The following ZNF177 variants were observed in gnomAD, a reference collection of about 807,000 sequenced individuals.
ZNF177 encodes zinc finger protein 177.
A neutral mutation model predicts 19.4 loss-of-function variants in ZNF177; 17 were observed. The observed-to-expected ratio is 0.87, with a 90% CI of 0.60 to 1.31. ZNF177 has a LOEUF of 1.31. Among genes scored for constraint, ZNF177 ranks in the 40% most tolerant of loss-of-function variants. The pLI, the probability that ZNF177 is intolerant of heterozygous loss-of-function variation, is 0.00. For missense variants in ZNF177, 633 were observed against 561.8 expected, an observed-to-expected ratio of 1.13 and a Z score of -1.28; for synonymous variants, 220 against 188.7, an observed-to-expected ratio of 1.17 and a Z score of -1.36.
rs759179460 is a variant in ZNF177 at position 9,381,760 on chromosome 19, C to T, written c.1429C>T (p.Gln477Ter). 6.3e-7 allele frequency: 1 copy of T among 1,599,312 alleles called. No homozygotes were observed. The highest frequency in any genetic ancestry group is 1.1e-5 in the South Asian group (1 of 88,868). Residue 477 changes from glutamine to a stop codon, truncating the protein, a stop_gained, in exon 6 of 6, where the codon CAG (glutamine) becomes TAG (stop). Coordinates refer to ENST00000589262, the Ensembl canonical transcript of ZNF177. LOFTEE classifies it high-confidence loss of function. ...AATGCACAAGCGAATCCACAATGGCCAGAAACTCCATGAATGAAATGACTC... is the reference window on the plus strand; with the variant it reads ...AATGCACAAGCGAATCCACAATGGCTAGAAACTCCATGAATGAAATGACTC...
chr19:9,379,263 T>G, intron 3 of ZNF177, 175 bp downstream of exon 5: 1 of 1,199,236 alleles, frequency 8.3e-7, no homozygotes, highest in East Asian at 2.6e-5. Context: ...GATTTCATTT[T>G]CTCTATCACT....
exon 6 of ZNF177, chr19:9,381,338 G>A (rs1301584503): frequency 6.2e-7 from 1 of 1,614,052 alleles, no homozygotes; most frequent in Admixed American, 1.7e-5. Flanking sequence ...ACTCACACTG[G>A]AGAGAAACCC....
At chr19:9,368,948 A>G (rs966764730) in intron 2 of ZNF177, among the ~76,000 whole-genome samples, 2 of 152,286 alleles carry the variant, frequency 1.3e-5, no homozygotes, top group Admixed American at 1.3e-4. Context: ...ACATGTTTGT[A>G]TACCAAATCT....
intron 5 of ZNF177, 66 bp from the exon 8 acceptor site, chr19:9,380,602 G>T: frequency 6.5e-7 from 1 of 1,535,814 alleles, no homozygotes; most frequent in Non-Finnish European, 8.7e-7. Flanking sequence ...CCTCATGGAA[G>T]AGAATTCCTG....
downstream of ZNF177, chr19:9,382,400 AGAG>A (rs2068215732): frequency 2.5e-6 from 1 of 398,824 alleles, no homozygotes; most frequent in Non-Finnish European, 4.4e-6. Context: ...ATATACACCA[AGAG>A]GAGGACAGAG....
chr19:9,378,211 G>C, intron 1 of ZNF177, 48 bp from the exon 4 acceptor site: 1 of 1,511,016 alleles, frequency 6.6e-7, no homozygotes, highest in Non-Finnish European at 8.9e-7. Context: ...TGCTAGTGTT[G>C]AACATCTAGC....
upstream of ZNF177, among the ~76,000 whole-genome samples, chr19:9,375,645 T>G (rs971175489): frequency 1.3e-5 from 2 of 152,170 alleles, no homozygotes; most frequent in African/African-American, 4.8e-5. Flanking sequence ...CATGATCCTT[T>G]ATATTTCTGT....
chr19:9,374,029 A>G (rs1483190785), upstream of ZNF177, among the ~76,000 whole-genome samples: 2 of 152,146 alleles, frequency 1.3e-5, no homozygotes, highest in Non-Finnish European at 1.5e-5. Flanking sequence ...TAGAAGTTTT[A>G]TGATCTCAGG....
upstream of ZNF177, among the ~76,000 whole-genome samples, chr19:9,374,259 C>T (rs8100020): frequency 0.62 from 93,829 of 151,966 alleles, 29,718 homozygotes; most frequent in African/African-American, 0.75. Context: ...CATTTGTCTC[C>T]GTTTTTATGC....
intron 1 of ZNF177, among the ~76,000 whole-genome samples, chr19:9,364,229 C>T (rs2067946253): frequency 1.3e-5 from 2 of 152,170 alleles, no homozygotes; most frequent in South Asian, 4.1e-4. Flanking sequence ...GTAAAAACAA[C>T]ACTCTTCATT....
exon 6 of ZNF177, chr19:9,381,434 A>G (rs772005989): frequency 2.5e-6 from 4 of 1,611,580 alleles, no homozygotes; most frequent in East Asian, 2.2e-5. Context: ...GAGAAACCCT[A>G]TGAATGCAGT....
chr19:9,375,383 C>T (rs868157091), upstream of ZNF177, among the ~76,000 whole-genome samples: 2 of 152,180 alleles, frequency 1.3e-5, no homozygotes, highest in Middle Eastern at 3.4e-3. Flanking sequence ...GGTTGGGCTC[C>T]TTTTCCATTT....
intron 2 of ZNF177, among the ~76,000 whole-genome samples, chr19:9,367,644 C>T (rs747764561): frequency 3.9e-5 from 6 of 152,124 alleles, no homozygotes; most frequent in South Asian, 2.1e-4. Flanking sequence ...TTAAAGTGGC[C>T]TTGTCATGTT....
At chr19:9,367,506 G>A (rs1045094799) in intron 2 of ZNF177, among the ~76,000 whole-genome samples, 1 of 152,066 alleles carries the variant, frequency 6.6e-6, no homozygotes, top group African/African-American at 2.4e-5. Context: ...AGCATCTCTT[G>A]CATTCCTCTG....
At chr19:9,368,290 C>T (rs1245766770) in intron 2 of ZNF177, among the ~76,000 whole-genome samples, 1 of 152,130 alleles carries the variant, frequency 6.6e-6, no homozygotes, top group Non-Finnish European at 1.5e-5. Flanking sequence ...GCATTCATTG[C>T]ATTCACAGTG....
chr19:9,368,441 A>G (rs1199476992), intron 2 of ZNF177, among the ~76,000 whole-genome samples: 2 of 152,084 alleles, frequency 1.3e-5, no homozygotes, highest in Non-Finnish European at 2.9e-5. Flanking sequence ...TCTCTGCAAC[A>G]TTTGTAGTTG....
exon 6 of ZNF177, chr19:9,381,627 C>T (rs774696843): frequency 6.2e-6 from 10 of 1,614,100 alleles, no homozygotes; most frequent in Non-Finnish European, 7.6e-6. Context: ...GTGGGAAGGC[C>T]TTTAGGAATT....
rs748732663 is a variant in ZNF177, at chr19:9,381,267, T to C, written c.936T>C (p.Tyr312=). The C allele has an allele frequency of 8.1e-6, 13 of 1,614,072 alleles. No homozygotes were observed. In the Admixed American group the frequency reaches 1.5e-4, roughly 19 times the overall value. Residue 312 remains tyrosine, a synonymous_variant, in exon 6 of 6, where the codon TAT becomes TAC. Transcript: ENST00000589262. ...GATCTCATACTGGAGAGAAGCCTTA[T>C]GAGTGTGATCACTGTGGAAAATCCT...
upstream of ZNF177, among the ~76,000 whole-genome samples, chr19:9,375,370 TTTGG>T (rs1340331837): frequency 3.4e-4 from 51 of 152,138 alleles, no homozygotes; most frequent in African/African-American, 1.2e-3. Flanking sequence ...TAATGAGGAG[TTTGG>T]TTGGGCTCCT....
Sources: allele counts gnomAD v4.1 joint callset (sites outside exome capture counted in the v4.1 genomes callset), GRCh38; gene constraint gnomAD v4.1.1; transcripts MANE v1.5; gene names NCBI Gene and HGNC (gene_info 2026-07-23, HGNC 2026-07-21).